Variants in FNDC1 observed in about 807,000 individuals in gnomAD.
FNDC1 encodes the protein fibronectin type III domain containing 1.
A neutral mutation model predicts 168.0 loss-of-function variants in FNDC1; 96 were observed. That is an observed-to-expected ratio of 0.57 (90% CI 0.48 to 0.68). The LOEUF is 0.68. Ranked by LOEUF, FNDC1 falls within the 30% of genes least tolerant of loss-of-function variation. FNDC1 has a pLI of 0.00. For missense variants in FNDC1, 2,587 were observed against 2,482.1 expected (o/e 1.04, Z -0.90); for synonymous variants, 1,099 against 1,025.9 (o/e 1.07, Z -1.36).
rs116883534 is a variant in FNDC1 at position 159,254,091 on chromosome 6, C to T, written c.5066-2432C>T. Among the ~76,000 whole-genome samples, 39 of 152,362 alleles carry T rather than the reference C, an allele frequency of 2.6e-4. No individual in the cohort carries two copies. The East Asian group carries it at 7.5e-3, about 29-fold the overall frequency. On this transcript the variant is annotated intron_variant, in intron 17 of 22. Coordinates refer to ENST00000297267, the MANE Select transcript of FNDC1 (RefSeq NM_032532.3). ...CAGTTCACCTGGCTTCCAGGCCCAG[C>T]TTGCCCATTTGTTAGTTGTGTGACA...
At chr6:159,270,498 C>G (rs112090052) in intron 22 of FNDC1, among the ~76,000 whole-genome samples, 43 of 152,220 alleles carry the variant, frequency 2.8e-4, no homozygotes, top group African/African-American at 1.0e-3. Context: ...CCATGGTGTC[C>G]CTGTGACTGT....
At chr6:159,213,354 C>G (rs1013768715) in intron 4 of FNDC1, among the ~76,000 whole-genome samples, 3 of 152,228 alleles carry the variant, frequency 2.0e-5, no homozygotes, top group African/African-American at 7.2e-5. Context: ...GAACTTCACT[C>G]CTGACTCCTC....
At chr6:159,197,338 T>A (rs1782266243) in intron 1 of FNDC1, 93 bp from the exon 2 acceptor site, 1 of 1,192,062 alleles carries the variant, frequency 8.4e-7, no homozygotes, top group South Asian at 1.5e-5. Context: ...TAAACGTCAT[T>A]TACTGTTTTC....
intron 21 of FNDC1, among the ~76,000 whole-genome samples, chr6:159,267,176 A>G (rs1189156480): frequency 1.3e-5 from 2 of 152,072 alleles, no homozygotes; most frequent in Non-Finnish European, 1.5e-5. Flanking sequence ...CAACCCTAGC[A>G]ATTTCTGTGT....
chr6:159,243,340 C>T (rs1277115849), intron 14 of FNDC1: 1 of 152,206 alleles, frequency 6.6e-6, no homozygotes, highest in Non-Finnish European at 1.5e-5. Flanking sequence ...ACAGCTGGGT[C>T]TCCAGATAGA....
Position 159,261,270 on chromosome 6 carries a change from G to A in FNDC1, c.5254+1G>A, listed in dbSNP as rs1583920923. Reference sequence around the variant, plus strand: ...TCGGTCTCATTTGTCACCGAATCAGGTATGAATGACTTCACATTCTGATTT... The same window carrying A: ...TCGGTCTCATTTGTCACCGAATCAGATATGAATGACTTCACATTCTGATTT... On this transcript the variant is annotated splice_donor_variant, in intron 19 of 22. Coordinates refer to ENST00000297267, the MANE Select transcript of FNDC1 (RefSeq NM_032532.3). LOFTEE classifies it high-confidence loss of function. 6.2e-7 allele frequency: 1 copy of A among 1,602,548 alleles called. No homozygotes were observed. Among genetic ancestry groups the A allele is most frequent in the African/African-American group, 1.3e-5 (1 of 74,656 alleles).
chr6:159,171,493 CT>C (rs1781659227), intron 1 of FNDC1, among the ~76,000 whole-genome samples: 1 of 152,112 alleles, frequency 6.6e-6, no homozygotes. Flanking sequence ...AAGCGAGCTG[CT>C]TGTGTCAAGC....
At chr6:159,228,678 TTTTTA>T (rs755677461) in intron 9 of FNDC1, among the ~76,000 whole-genome samples, 13 of 152,318 alleles carry the variant, frequency 8.5e-5, no homozygotes, top group South Asian at 8.3e-4. Flanking sequence ...TTTCTTTTTC[TTTTTA>T]TTTTATTTTT....
chr6:159,214,907 C>G, intron 4 of FNDC1, 38 bp from the exon 5 acceptor site: 1 of 1,590,680 alleles, frequency 6.3e-7, no homozygotes, highest in Non-Finnish European at 8.6e-7. Flanking sequence ...TCTAAGTGGT[C>G]TACTGTCTAA....
At chr6:159,244,564 C>T (rs797020020) in intron 14 of FNDC1, among the ~76,000 whole-genome samples, 3 of 152,310 alleles carry the variant, frequency 2.0e-5, no homozygotes, top group African/African-American at 7.2e-5. Context: ...ATGTAATATT[C>T]ATGTCATTCA....
At chr6:159,191,364 A>G (rs1190472282) in intron 1 of FNDC1, among the ~76,000 whole-genome samples, 1 of 152,208 alleles carries the variant, frequency 6.6e-6, no homozygotes, top group Non-Finnish European at 1.5e-5. Flanking sequence ...TTATTTTAAG[A>G]CTTGATTTTC....
chr6:159,258,606 C>G (rs972825625), intron 18 of FNDC1, among the ~76,000 whole-genome samples: 1 of 152,216 alleles, frequency 6.6e-6, no homozygotes, highest in Non-Finnish European at 1.5e-5. Context: ...TGGCCCCACA[C>G]ACGCTCAGTG....
intron 1 of FNDC1, among the ~76,000 whole-genome samples, chr6:159,190,517 G>C (rs144572884): frequency 5.6e-4 from 86 of 152,350 alleles, no homozygotes; most frequent in African/African-American, 2.0e-3. Flanking sequence ...TCTGTCCACA[G>C]CTGGGAAGCT....
Position 159,271,535 on chromosome 6 carries a change from C to T in FNDC1, c.*93C>T, listed in dbSNP as rs1777749510. ...GAGCAAAGACAGCCAGCGTGCTCAG[C>T]CCCGCTGCCCTAGGTGCCAGGAAGG... On this transcript the variant is annotated 3_prime_UTR_variant, in exon 23 of 23. Transcript: ENST00000297267. The T allele has an allele frequency of 5.5e-6, 5 of 904,078 alleles. No individual in the cohort carries two copies. In the South Asian group the frequency reaches 5.8e-5, roughly 11 times the overall value. The allele number at this position is 904,078 out of a possible 1,614,324, so 56.0% of individuals were successfully genotyped here.
intron 17 of FNDC1, among the ~76,000 whole-genome samples, chr6:159,254,026 A>G (rs1562310089): frequency 6.6e-6 from 1 of 151,768 alleles, no homozygotes; most frequent in Admixed American, 6.6e-5. Context: ...AAGTTCAATG[A>G]CTCTCCTCTA....
At chr6:159,269,499 T>TATCTATCC (rs1777686855) in intron 22 of FNDC1, among the ~76,000 whole-genome samples, 12 of 87,420 alleles carry the variant, frequency 1.4e-4, no homozygotes, top group African/African-American at 3.0e-4. Context: ...TCTATCTATC[T>TATCTATCC]ATCCATCCAT....
At chr6:159,199,859 T>G in intron 2 of FNDC1, 137 bp from the exon 3 acceptor site, 1 of 682,542 alleles carries the variant, frequency 1.5e-6, no homozygotes, top group Admixed American at 2.3e-5. Context: ...CATCTATCAT[T>G]ATGCTTGTCA....
At chr6:159,189,752 G>A (rs975649083) in intron 1 of FNDC1, among the ~76,000 whole-genome samples, 11 of 152,342 alleles carry the variant, frequency 7.2e-5, no homozygotes, top group Middle Eastern at 3.4e-3. Flanking sequence ...TGAGCTATAA[G>A]ACAAAGACAG....
In FNDC1 at chr6:159,233,052, G is replaced by T; in HGVS notation, c.2540G>T (p.Ser847Ile). 6.2e-7 allele frequency: 1 copy of T among 1,610,650 alleles called. No homozygotes were observed. The highest frequency in any genetic ancestry group is 8.5e-7 in the Non-Finnish European group (1 of 1,178,640). Residue 847 changes from serine to isoleucine, a missense_variant, in exon 11 of 23, where the codon AGC (serine) becomes ATC (isoleucine). Ser to Ile is a moderately radical substitution (Grantham distance 142, BLOSUM62 -2). Coordinates refer to ENST00000297267, the MANE Select transcript of FNDC1 (RefSeq NM_032532.3). This position sits in a 1 kb window ranked among gnomAD's most constrained non-coding sequence, Gnocchi z 4.6. ...IGRGPRLQPS[S>I]SPQSTVPSRA... ...CGGGGACCTCGGCTGCAGCCCTCCA[G>T]CTCCCCACAGTCGACTGTGCCCTCC... is the stretch of plus-strand genomic sequence containing the variant.
Sources: allele counts gnomAD v4.1 joint callset (sites outside exome capture counted in the v4.1 genomes callset), GRCh38; gene constraint gnomAD v4.1.1; non-coding constraint Gnocchi (gnomAD v3.1); transcripts MANE v1.5; gene names NCBI Gene and HGNC (gene_info 2026-07-23, HGNC 2026-07-21).